Variants in KIF13B observed in about 807,000 individuals in gnomAD.
The protein encoded by KIF13B is kinesin family member 13B, also known as kinesin-like protein KIF13B.
A neutral mutation model predicts 222.0 loss-of-function variants in KIF13B; 127 were observed. That is an observed-to-expected ratio of 0.57 (90% confidence interval 0.50 to 0.66). The LOEUF is 0.66. Ranked by LOEUF, KIF13B falls within the 30% of genes least tolerant of loss-of-function variation. The pLI is 0.00. For synonymous variants in KIF13B, 976 were observed against 919.0 expected, an observed-to-expected ratio of 1.06 and a Z score of -1.12; for missense variants, 2,173 against 2,379.0, an observed-to-expected ratio of 0.91 and a Z score of 1.80.
At position 29,133,910 on chromosome 8, in the gene KIF13B, A is replaced by G. The variant is rs879007213; in HGVS notation, c.2784+130T>C. On this transcript the variant is annotated intron_variant, in intron 22 of 39. Transcript: ENST00000524189. ...TAGATGCATTGACACTTTTTACTCAATCCCCACACTCTACAGAAACTGCTC... is the reference window on the plus strand; with the variant it reads ...TAGATGCATTGACACTTTTTACTCAGTCCCCACACTCTACAGAAACTGCTC... The G allele has an allele frequency of 1.7e-5, 15 of 869,458 alleles. No homozygotes were observed. In the South Asian group the frequency reaches 2.2e-4, roughly 13 times the overall value. The allele number at this position is 869,458 out of a possible 1,614,324, so 53.9% of individuals were successfully genotyped here. A position where few individuals can be genotyped will look rare whatever the true frequency, so the allele number is the denominator to read the frequency against.
At chr8:29,202,133 C>T (rs770411462) in intron 2 of KIF13B, among the ~76,000 whole-genome samples, 2 of 152,066 alleles carry the variant, frequency 1.3e-5, no homozygotes, top group Non-Finnish European at 2.9e-5. Flanking sequence ...GATTTGAAAA[C>T]TCTACCAGTG....
At chr8:29,152,395 G>A (rs940807668) in intron 14 of KIF13B, among the ~76,000 whole-genome samples, 1 of 152,074 alleles carries the variant, frequency 6.6e-6, no homozygotes, top group Non-Finnish European at 1.5e-5. Context: ...AGCAACACAG[G>A]CTACAGAGAA....
chr8:29,254,103 T>C (rs768591173), intron 1 of KIF13B, among the ~76,000 whole-genome samples: 5 of 152,306 alleles, frequency 3.3e-5, no homozygotes, highest in Non-Finnish European at 7.4e-5. Context: ...AGAACAGTCT[T>C]TTCATCAAAT....
At chr8:29,106,047 GAAGTCAT>G (rs1445903915) in intron 35 of KIF13B, among the ~76,000 whole-genome samples, 48 of 152,098 alleles carry the variant, frequency 3.2e-4, no homozygotes, top group Non-Finnish European at 1.5e-5. Flanking sequence ...AAAAGCACAG[GAAGTCAT>G]GTTTTTCTTA....
intron 36 of KIF13B, among the ~76,000 whole-genome samples, chr8:29,096,139 A>G (rs1244046961): frequency 6.6e-6 from 1 of 151,006 alleles, no homozygotes; most frequent in Non-Finnish European, 1.5e-5. Flanking sequence ...CTGCCACCAC[A>G]CCTGGCTAAT....
At chr8:29,138,734 T>C (rs1459707892) in intron 21 of KIF13B, 1 of 152,178 alleles carries the variant, frequency 6.6e-6, no homozygotes, top group African/African-American at 2.4e-5. Flanking sequence ...TATGGGAAAC[T>C]GCAGGTCAAC....
At chr8:29,155,664 A>G in intron 14 of KIF13B, 62 bp downstream of exon 14, 1 of 1,438,988 alleles carries the variant, frequency 6.9e-7, no homozygotes, top group South Asian at 1.2e-5. Context: ...CACTGTTGCC[A>G]CTAGAGTACT....
chr8:29,190,848 G>A (rs1347514305), intron 4 of KIF13B, 149 bp downstream of exon 4: 1 of 737,312 alleles, frequency 1.4e-6, no homozygotes. Flanking sequence ...GTCACATTAA[G>A]TCATCTTCTG....
At chr8:29,137,838 C>T (rs1810635303) in intron 21 of KIF13B, among the ~76,000 whole-genome samples, 1 of 152,046 alleles carries the variant, frequency 6.6e-6, no homozygotes, top group African/African-American at 2.4e-5. Flanking sequence ...AGAAAGCTAC[C>T]CCAGTCCAGG....
Position 29,127,216 on chromosome 8 carries a change from G to A in KIF13B, c.3128C>T (p.Thr1043Ile). 1 of 1,613,918 alleles carries A rather than the reference G, an allele frequency of 6.2e-7. No homozygotes were observed. Among genetic ancestry groups the A allele is most frequent in the Non-Finnish European group, 8.5e-7 (1 of 1,179,824 alleles). Residue 1043 changes from threonine (T) to isoleucine (I), a missense_variant, in exon 25 of 40, where the codon ACT becomes ATT. By Grantham distance (89) the Thr-to-Ile change is moderately conservative. Coordinates refer to ENST00000524189, the MANE Select transcript of KIF13B (RefSeq NM_015254.4). ...VEVKSVQESG[T>I]LPLMEECILS... ...TATACATTCTTCCATCAGTGGTAAA[G>A]TCCCAGATTCCTGCACTGACTTCAC...
chr8:29,122,491 G>A (rs1169932597), intron 29 of KIF13B, 100 bp downstream of exon 29: 1 of 917,742 alleles, frequency 1.1e-6, no homozygotes, highest in African/African-American at 1.6e-5. Flanking sequence ...CTAGCCTTAG[G>A]GGGACAGAAT....
At chr8:29,260,485 T>A (rs1466980353) in intron 1 of KIF13B, among the ~76,000 whole-genome samples, 1 of 152,228 alleles carries the variant, frequency 6.6e-6, no homozygotes, top group East Asian at 1.9e-4. Flanking sequence ...CTCTTTGTCA[T>A]AATTATACAG....
intron 31 of KIF13B, among the ~76,000 whole-genome samples, chr8:29,116,138 C>G (rs1017083236): frequency 1.8e-4 from 28 of 152,136 alleles, no homozygotes. Context: ...CTCAAGTAAT[C>G]CTGCTGCCTC....
chr8:29,204,260 T>A (rs6985301), intron 2 of KIF13B, among the ~76,000 whole-genome samples: 41 of 152,342 alleles, frequency 2.7e-4, no homozygotes, highest in African/African-American at 9.6e-4. Flanking sequence ...GACTCTGATA[T>A]ATAAATTCCA....
chr8:29,182,321 A>T (rs776149250), intron 6 of KIF13B, among the ~76,000 whole-genome samples: 7 of 152,226 alleles, frequency 4.6e-5, no homozygotes, highest in Non-Finnish European at 7.3e-5. Flanking sequence ...AAGAGCAGAA[A>T]CTCAGTAAAT....
rs1816745285 is a variant in KIF13B at position 29,262,997 on chromosome 8, C to G, written c.38G>C (p.Arg13Pro). 1.3e-6 allele frequency: 2 copies of G among 1,597,748 alleles called. No individual in the cohort carries two copies. The highest frequency in any genetic ancestry group is 1.7e-6 in the Non-Finnish European group (2 of 1,173,254). ...DSKVKVAVRI[R>P]PMNRRETDLH... ...GCTCTCACCTCGCCGGTTCATGGGT[C>G]GTATCCGCACCGCCACTTTCACTTT... is the stretch of plus-strand genomic sequence containing the variant. Residue 13 changes from arginine to proline, a missense_variant, in exon 1 of 40, where the codon CGA becomes CCA. By Grantham distance (103) the Arg-to-Pro change is moderately radical (BLOSUM62 -2). Transcript: ENST00000524189.
chr8:29,167,779 T>C (rs1812070577), intron 10 of KIF13B, among the ~76,000 whole-genome samples, 194 bp from the exon 11 acceptor site: 1 of 152,164 alleles, frequency 6.6e-6, no homozygotes, highest in African/African-American at 2.4e-5. Flanking sequence ...GCACTAAAAA[T>C]AGGGAGTTTT....
rs1462553434 is a variant in KIF13B at position 29,110,079 on chromosome 8, T to G, written c.3931-9A>C. On this transcript the variant is annotated splice_polypyrimidine_tract_variant and intron_variant, in intron 32 of 39. Transcript: ENST00000524189. ...TCCACTCCCTGGGCATCCTGAGCAG[T>G]GGAAAGTTATACATTATAAAAGCTT... The G allele has an allele frequency of 5.8e-6, 9 of 1,552,542 alleles. No homozygotes were observed. Among genetic ancestry groups the G allele is most frequent in the Non-Finnish European group, 7.0e-6 (8 of 1,147,470 alleles).
intron 6 of KIF13B, among the ~76,000 whole-genome samples, chr8:29,182,924 T>G (rs1320568985): frequency 6.6e-6 from 1 of 151,852 alleles, no homozygotes; most frequent in Non-Finnish European, 1.5e-5. Context: ...ATGGATATGT[T>G]AATTAGCTTG....
Sources: gnomAD v4.1 joint callset for allele counts (sites outside exome capture counted in the v4.1 genomes callset) on GRCh38, gnomAD v4.1.1 for gene constraint, MANE v1.5 for transcripts, NCBI Gene and HGNC (gene_info 2026-07-23, HGNC 2026-07-21) for gene names.